TLE3: variants seen among roughly 807,000 people sequenced by gnomAD.
The protein encoded by TLE3 is transducin-like enhancer protein 3.
In TLE3, 14 loss-of-function variants were observed where a neutral mutation model predicts 93.0. That is an observed-to-expected ratio of 0.15 (90% CI 0.10 to 0.24). TLE3 has a LOEUF of 0.24. Among genes scored for constraint, TLE3 ranks in the 10% least tolerant of loss-of-function variants. The pLI, the probability that TLE3 is intolerant of heterozygous loss-of-function variation, is 1.00. For missense variants in TLE3, 693 were observed against 1,046.6 expected, an observed-to-expected ratio of 0.66 and a Z score of 4.66; for synonymous variants, 451 against 425.0, an observed-to-expected ratio of 1.06 and a Z score of -0.75.
chr15:70,095,642 C>A lies in TLE3; in HGVS notation c.126-1G>T. ...CAGCTTGTCGTACTCCACTTTGAGG[C>A]TGCGAGGGCAGGAGGAGCCGGCTCA... On this transcript the variant is annotated splice_acceptor_variant, in intron 2 of 19. Coordinates refer to ENST00000451782, the MANE Select transcript of TLE3 (RefSeq NM_001105192.3). LOFTEE classifies it high-confidence loss of function. The A allele has an allele frequency of 6.4e-7, 1 of 1,551,482 alleles. No individual in the cohort carries two copies.
At chr15:70,095,475 T>C in intron 3 of TLE3, 103 bp downstream of exon 3, 1 of 1,545,832 alleles carries the variant, frequency 6.5e-7, no homozygotes, top group Non-Finnish European at 8.7e-7. Flanking sequence ...GCCCTGCGGC[T>C]GGGCGGTGGT....
chr15:70,080,772 C>T (rs1304088297), intron 4 of TLE3, among the ~76,000 whole-genome samples: 1 of 152,202 alleles, frequency 6.6e-6, no homozygotes, highest in East Asian at 1.9e-4. Context: ...TTTGCTGCTA[C>T]TTCAGACTAT....
chr15:70,053,756 A>T, intron 16 of TLE3: 1 of 174,384 alleles, frequency 5.7e-6, no homozygotes, highest in Non-Finnish European at 1.2e-5. Flanking sequence ...ACTGATAAAG[A>T]GAATGCAGGG....
intron 4 of TLE3, among the ~76,000 whole-genome samples, chr15:70,090,649 C>T (rs2058265373): frequency 6.6e-6 from 1 of 152,166 alleles, no homozygotes. Flanking sequence ...TTTCCATTTC[C>T]TACCTCAGCC....
intron 1 of TLE3, 59 bp from the exon 2 acceptor site, chr15:70,096,320 C>A (rs1458764545): frequency 6.5e-7 from 1 of 1,535,086 alleles, no homozygotes; most frequent in Non-Finnish European, 8.7e-7. Context: ...GCGCTCAGAG[C>A]GGCCCCGGCC....
In TLE3 at chr15:70,059,266, C is replaced by A. The variant is rs949724984; in HGVS notation, c.765+144G>T. 3.2e-5 allele frequency: 31 copies of A among 973,266 alleles called. 1 individual carries two copies. In the Admixed American group the frequency reaches 7.9e-4, roughly 25 times the overall value. The allele number at this position is 973,266 out of a possible 1,614,324, so 60.3% of individuals were successfully genotyped here. On this transcript the variant is annotated intron_variant, in intron 10 of 19. Coordinates refer to ENST00000451782, the MANE Select transcript of TLE3 (RefSeq NM_001105192.3). ...AGCCCTGCCCTGCTCCTCTTGACCC[C>A]CTGAGACCCCAAGACTGGAGGCCTT...
chr15:70,089,147 C>T (rs1270115269), intron 4 of TLE3, among the ~76,000 whole-genome samples: 3 of 152,212 alleles, frequency 2.0e-5, no homozygotes, highest in East Asian at 1.9e-4. Context: ...CCTCGGCTGC[C>T]GACTTCTGCC....
At chr15:70,061,066 C>T (rs1215092496) in intron 8 of TLE3, among the ~76,000 whole-genome samples, 1 of 152,122 alleles carries the variant, frequency 6.6e-6, no homozygotes. Flanking sequence ...TAAGATGGAT[C>T]TGAGCTGACA....
intron 8 of TLE3, among the ~76,000 whole-genome samples, chr15:70,061,338 C>T (rs1294958007): frequency 1.3e-5 from 2 of 152,118 alleles, no homozygotes; most frequent in African/African-American, 4.8e-5. Context: ...CAGTCACTGC[C>T]TCTGTAGCCA....
At chr15:70,081,278 G>C (rs12913478) in intron 4 of TLE3, among the ~76,000 whole-genome samples, 1 of 152,070 alleles carries the variant, frequency 6.6e-6, no homozygotes, top group African/African-American at 2.4e-5. Context: ...TTCCCGAATT[G>C]GCGTGCAGCT....
intron 7 of TLE3, among the ~76,000 whole-genome samples, chr15:70,065,238 G>A (rs937566399): frequency 1.1e-4 from 16 of 152,364 alleles, no homozygotes; most frequent in African/African-American, 3.8e-4. Flanking sequence ...CCGTATCTAA[G>A]GGCAGAGTGC....
chr15:70,056,799 C>T (rs775360504), intron 13 of TLE3, among the ~76,000 whole-genome samples: 28 of 152,198 alleles, frequency 1.8e-4, no homozygotes, highest in Non-Finnish European at 3.7e-4. Context: ...TCTCGCTCTG[C>T]CGCCCAAGCT....
intron 4 of TLE3, among the ~76,000 whole-genome samples, chr15:70,082,312 G>C (rs1017233773): frequency 2.6e-5 from 4 of 152,134 alleles, no homozygotes; most frequent in African/African-American, 9.7e-5. Flanking sequence ...TTTATCAACA[G>C]AGGAAGAAAT....
intron 2 of TLE3, 28 bp from the exon 3 acceptor site, chr15:70,095,669 G>C: frequency 6.4e-7 from 1 of 1,550,794 alleles, no homozygotes; most frequent in Non-Finnish European, 8.7e-7. Context: ...GCCGGCTCAG[G>C]CGTGGCGCCT....
At chr15:70,096,484 C>T (rs376061426) in intron 1 of TLE3, 1 of 1,172,618 alleles carries the variant, frequency 8.5e-7, no homozygotes, top group Non-Finnish European at 1.2e-6. Flanking sequence ...CTCCCTCTCC[C>T]CAGTAAGGCG....
intron 4 of TLE3, among the ~76,000 whole-genome samples, chr15:70,090,545 A>G (rs914071401): frequency 2.0e-5 from 3 of 151,944 alleles, no homozygotes; most frequent in African/African-American, 7.3e-5. Flanking sequence ...TGGTCACAAA[A>G]CTTCTGTGTG....
chr15:70,071,145 G>C (rs2057132308), intron 6 of TLE3, among the ~76,000 whole-genome samples: 2 of 152,158 alleles, frequency 1.3e-5, no homozygotes, highest in African/African-American at 4.8e-5. Context: ...GGGAAATATA[G>C]ATGCTGCCTT....
rs747300620 is a variant in TLE3 at position 70,053,324 on chromosome 15, T to C, written c.1877A>G (p.Asp626Gly). 3.1e-6 allele frequency: 5 copies of C among 1,609,320 alleles called. No homozygotes were observed. Among genetic ancestry groups the C allele is most frequent in the Non-Finnish European group, 4.2e-6 (5 of 1,177,840 alleles). ...GCCCCCTGTCCACAGTTTGGTGCCA[T>C]CATGGGAGATGTCTATGCAGCTGGC... Reference protein sequence around the residue: ...DGASCIDISHDGTKLWTGGLD... With the variant: ...DGASCIDISHGGTKLWTGGLD... Residue 626 changes from aspartate (D) to glycine (G), a missense_variant, in exon 17 of 20, where the codon GAT becomes GGT. Around this residue, in one of 4 missense-constraint regions of TLE3, gnomAD observed 153 missense variants for 379.9 expected, o/e 0.40. Transcript: ENST00000451782.
intron 4 of TLE3, among the ~76,000 whole-genome samples, chr15:70,081,158 A>C (rs1401226311): frequency 6.6e-6 from 1 of 152,228 alleles, no homozygotes; most frequent in African/African-American, 2.4e-5. Context: ...GCTTTGGGCA[A>C]ATCACTTCCC....
Sources: allele counts gnomAD v4.1 joint callset (sites outside exome capture counted in the v4.1 genomes callset), GRCh38; gene constraint gnomAD v4.1.1; regional missense constraint gnomAD v4.1.1; transcripts MANE v1.5; gene names NCBI Gene and HGNC (gene_info 2026-07-23, HGNC 2026-07-21).